ME1: variants seen among roughly 807,000 people sequenced by gnomAD.
ME1 encodes NADP-dependent malic enzyme.
A neutral mutation model predicts 66.4 loss-of-function variants in ME1; 74 were observed. That is an observed-to-expected ratio of 1.11 (90% CI 0.92 to 1.35). ME1 has a LOEUF of 1.35. Ranked by LOEUF, ME1 falls within the 40% of genes most tolerant of loss-of-function variation. ME1 has a pLI of 0.00. For synonymous variants in ME1, 251 were observed against 235.6 expected, an observed-to-expected ratio of 1.07 and a Z score of -0.60; for missense variants, 750 against 694.1, an observed-to-expected ratio of 1.08 and a Z score of -0.90.
At chr6:83,228,719 GT>G (rs1562452681) in intron 10 of ME1, 106 bp downstream of exon 10, 2 of 756,976 alleles carry the variant, frequency 2.6e-6, no homozygotes, top group Non-Finnish European at 4.5e-6. Flanking sequence ...CGAACGTGTA[GT>G]TTTTTGAATT....
At chr6:83,321,831 C>T (rs1768182153) in intron 5 of ME1, among the ~76,000 whole-genome samples, 1 of 152,202 alleles carries the variant, frequency 6.6e-6, no homozygotes, top group Non-Finnish European at 1.5e-5. Flanking sequence ...TCAAGTGGGT[C>T]CCTGATTCTT....
intron 6 of ME1, among the ~76,000 whole-genome samples, chr6:83,279,281 C>G (rs1379289447): frequency 6.6e-6 from 1 of 152,112 alleles, no homozygotes; most frequent in Non-Finnish European, 1.5e-5. Flanking sequence ...GTCTAATTGT[C>G]AACAAAATTA....
At chr6:83,346,611 A>C (rs1431856697) in intron 4 of ME1, among the ~76,000 whole-genome samples, 4 of 152,212 alleles carry the variant, frequency 2.6e-5, no homozygotes, top group Admixed American at 6.5e-5. Flanking sequence ...AATCAAGAAG[A>C]GCAAGTGGGT....
chr6:83,313,866 T>C (rs1422766710), intron 6 of ME1, among the ~76,000 whole-genome samples: 1 of 152,188 alleles, frequency 6.6e-6, no homozygotes, highest in Admixed American at 6.5e-5. Context: ...TCCATACTAA[T>C]TGGCAAATGT....
At chr6:83,288,591 T>C (rs1327960152) in intron 6 of ME1, among the ~76,000 whole-genome samples, 1 of 152,192 alleles carries the variant, frequency 6.6e-6, no homozygotes, top group Non-Finnish European at 1.5e-5. Context: ...GGTAGTGTGA[T>C]GCCTCCAGCT....
chr6:83,278,367 C>A (rs889948444), intron 6 of ME1, among the ~76,000 whole-genome samples: 3 of 152,192 alleles, frequency 2.0e-5, no homozygotes, highest in African/African-American at 7.2e-5. Context: ...TAGGTTTTGA[C>A]TGAAGATTTG....
intron 6 of ME1, among the ~76,000 whole-genome samples, chr6:83,279,025 A>G (rs1767242097): frequency 6.6e-6 from 1 of 152,168 alleles, no homozygotes. Context: ...CACTGCCCCA[A>G]CAGGGCTCTG....
At chr6:83,232,588 G>A (rs920227183) in intron 9 of ME1, among the ~76,000 whole-genome samples, 3 of 152,100 alleles carry the variant, frequency 2.0e-5, no homozygotes, top group Non-Finnish European at 2.9e-5. Flanking sequence ...ATAAAAAAGA[G>A]GGAGAAAACA....
intron 3 of ME1, among the ~76,000 whole-genome samples, chr6:83,382,593 T>C (rs531986014): frequency 6.6e-6 from 1 of 152,098 alleles, no homozygotes; most frequent in Non-Finnish European, 1.5e-5. Context: ...AAAAGCAATA[T>C]ATGAAACTCT....
intron 3 of ME1, among the ~76,000 whole-genome samples, chr6:83,371,544 GAA>G (rs1769193240): frequency 6.6e-6 from 1 of 152,136 alleles, no homozygotes; most frequent in African/African-American, 2.4e-5. Context: ...TCAGAGAAAA[GAA>G]AATGTATCAA....
At chr6:83,419,813 T>C (rs1455567981) in intron 1 of ME1, among the ~76,000 whole-genome samples, 1 of 152,220 alleles carries the variant, frequency 6.6e-6, no homozygotes, top group Non-Finnish European at 1.5e-5. Flanking sequence ...TACGACAACA[T>C]CTATTTCCCT....
chr6:83,372,805 A>T (rs932730742), intron 3 of ME1, among the ~76,000 whole-genome samples: 2 of 152,210 alleles, frequency 1.3e-5, no homozygotes, highest in Non-Finnish European at 2.9e-5. Context: ...ACACTCATGA[A>T]AGTAAGGCAA....
chr6:83,218,858 C>T (rs558677785), intron 12 of ME1, among the ~76,000 whole-genome samples: 6 of 152,272 alleles, frequency 3.9e-5, no homozygotes, highest in African/African-American at 1.4e-4. Context: ...AGTAAAAGAA[C>T]AGATGGGTTT....
At chr6:83,389,197 T>C (rs1769572286) in intron 3 of ME1, among the ~76,000 whole-genome samples, 1 of 152,166 alleles carries the variant, frequency 6.6e-6, no homozygotes, top group African/African-American at 2.4e-5. Flanking sequence ...TAATATCTAT[T>C]ATTTATGAGA....
chr6:83,362,578 C>T lies in ME1; in HGVS notation c.363-10439G>A, dbSNP rs550471976. ...TGACCTGGCTATGGCCACTGCTAAGCGCCCAATTTGCCAGCAGCAGAGACC... is the reference window on the plus strand; with the variant it reads ...TGACCTGGCTATGGCCACTGCTAAGTGCCCAATTTGCCAGCAGCAGAGACC... On this transcript the variant is annotated intron_variant, in intron 3 of 13. Transcript: ENST00000369705. Among the ~76,000 whole-genome samples, 20 of 152,324 alleles carry T rather than the reference C, an allele frequency of 1.3e-4. No homozygotes were observed. The East Asian group carries it at 1.9e-3, about 15-fold the overall frequency.
At chr6:83,244,198 A>G (rs560052912) in intron 7 of ME1, among the ~76,000 whole-genome samples, 12 of 152,154 alleles carry the variant, frequency 7.9e-5, no homozygotes, top group African/African-American at 2.9e-4. Context: ...CAGCAGTGTA[A>G]GAGAAGGAAT....
chr6:83,408,945 A>G (rs536556559), intron 1 of ME1, among the ~76,000 whole-genome samples: 4 of 151,930 alleles, frequency 2.6e-5, no homozygotes, highest in Non-Finnish European at 5.9e-5. Flanking sequence ...TGAAATCCTC[A>G]CCCCCAAGGC....
intron 7 of ME1, among the ~76,000 whole-genome samples, chr6:83,242,381 GGT>G (rs1393144285): frequency 1.3e-5 from 2 of 152,068 alleles, no homozygotes; most frequent in African/African-American, 2.4e-5. Flanking sequence ...ATTTTAGTAA[GGT>G]AGATCAATAT....
chr6:83,242,802 C>T (rs1414138338), intron 7 of ME1, among the ~76,000 whole-genome samples: 1 of 152,104 alleles, frequency 6.6e-6, no homozygotes, highest in East Asian at 1.9e-4. Flanking sequence ...CAAATGGCAA[C>T]TGACTTAGCA....
Sources: gnomAD v4.1 joint callset for allele counts (sites outside exome capture counted in the v4.1 genomes callset) on GRCh38, gnomAD v4.1.1 for gene constraint, MANE v1.5 for transcripts, NCBI Gene and HGNC (gene_info 2026-07-23, HGNC 2026-07-21) for gene names.